Variants in FAM117B observed in about 807,000 individuals in gnomAD.
The protein encoded by FAM117B is protein FAM117B.
Under a neutral mutation model 52.8 loss-of-function variants are expected in FAM117B, and 22 were observed. The ratio of observed to expected loss-of-function variants is 0.42; its 90% confidence interval spans 0.30 to 0.59. The LOEUF is 0.59. Ranked by LOEUF, FAM117B falls within the 20% of genes least tolerant of loss-of-function variation. The probability of loss-of-function intolerance (pLI) is 0.22; values close to 1 mark genes in which losing one functional copy is unlikely to be tolerated. For synonymous variants in FAM117B, 309 were observed against 324.1 expected (o/e 0.95, Z 0.50); for missense variants, 678 against 802.6 (o/e 0.84, Z 1.88).
chr2:202,730,539 G>A (rs1186673565), intron 4 of FAM117B, among the ~76,000 whole-genome samples: 4 of 151,998 alleles, frequency 2.6e-5, no homozygotes, highest in East Asian at 3.9e-4. Flanking sequence ...GCGTGGTGCC[G>A]CGTGCCTATA....
chr2:202,686,183 C>T (rs1247547694), intron 1 of FAM117B, among the ~76,000 whole-genome samples: 1 of 152,142 alleles, frequency 6.6e-6, no homozygotes, highest in African/African-American at 2.4e-5. Context: ...TCATTTGGTA[C>T]TGGGGAGATG....
intron 2 of FAM117B, among the ~76,000 whole-genome samples, chr2:202,704,981 GA>G (rs1323775745): frequency 6.6e-6 from 1 of 151,876 alleles, no homozygotes; most frequent in African/African-American, 2.4e-5. Flanking sequence ...AAGGATTCTG[GA>G]AAATACAGAG....
At chr2:202,741,491 A>G (rs978470007) in intron 4 of FAM117B, among the ~76,000 whole-genome samples, 1 of 148,912 alleles carries the variant, frequency 6.7e-6, no homozygotes, top group African/African-American at 2.5e-5. Flanking sequence ...ATAATATGAT[A>G]GTATATCTAG....
chr2:202,683,770 A>G (rs1321116375), intron 1 of FAM117B, among the ~76,000 whole-genome samples: 1 of 152,232 alleles, frequency 6.6e-6, no homozygotes, highest in East Asian at 1.9e-4. Context: ...ACCCTTTAAG[A>G]AAATAGAAGA....
At chr2:202,696,388 C>T (rs1050351545) in intron 2 of FAM117B, among the ~76,000 whole-genome samples, 4 of 151,992 alleles carry the variant, frequency 2.6e-5, no homozygotes, top group African/African-American at 9.7e-5. Flanking sequence ...TTGGGCCACG[C>T]ATAAAATACA....
chr2:202,754,546 A>G (rs1691771766), intron 4 of FAM117B, among the ~76,000 whole-genome samples: 2 of 152,074 alleles, frequency 1.3e-5, no homozygotes, highest in Non-Finnish European at 2.9e-5. Context: ...AATTATATAG[A>G]TTAATCTGTT....
intron 4 of FAM117B, among the ~76,000 whole-genome samples, chr2:202,747,964 A>G (rs895043979): frequency 6.6e-6 from 1 of 152,184 alleles, no homozygotes; most frequent in Admixed American, 6.5e-5. Flanking sequence ...AGAAGAAACA[A>G]TCCTAAGATT....
intron 1 of FAM117B, among the ~76,000 whole-genome samples, chr2:202,652,044 A>C (rs1402968177): frequency 1.4e-5 from 2 of 145,878 alleles, no homozygotes; most frequent in Non-Finnish European, 3.0e-5. Flanking sequence ...CAAAAGTGAA[A>C]CTCTGTCTAA....
At chr2:202,637,867 A>C (rs1189638593) in intron 1 of FAM117B, among the ~76,000 whole-genome samples, 2 of 147,780 alleles carry the variant, frequency 1.4e-5, no homozygotes, top group Non-Finnish European at 3.0e-5. Flanking sequence ...GTACTTAGTT[A>C]GGTAACTTTT....
At chr2:202,750,370 AGGCATGGT>A (rs1305276916) in intron 4 of FAM117B, among the ~76,000 whole-genome samples, 1 of 152,140 alleles carries the variant, frequency 6.6e-6, no homozygotes, top group Non-Finnish European at 1.5e-5. Flanking sequence ...AAAATTAGCC[AGGCATGGT>A]GGCATGTGCC....
chr2:202,728,806 A>G (rs1197299007), intron 4 of FAM117B, among the ~76,000 whole-genome samples: 4 of 152,164 alleles, frequency 2.6e-5, no homozygotes, highest in African/African-American at 9.7e-5. Flanking sequence ...AATTTACTTA[A>G]TAAAGATTAT....
At position 202,731,516 on chromosome 2, in the gene FAM117B, C is replaced by T. The variant is rs113364006; in HGVS notation, c.960+5153C>T. Among the ~76,000 whole-genome samples the T allele has an allele frequency of 8.1e-4, 122 of 151,426 alleles. 1 individual carries two copies. Among genetic ancestry groups the T allele is most frequent in the African/African-American group, 2.0e-3 (83 of 41,332 alleles). On this transcript the variant is annotated intron_variant, in intron 4 of 7. Coordinates refer to ENST00000392238, the MANE Select transcript of FAM117B (RefSeq NM_173511.4). ...CGCGACCTTGGATCATTGTAACCTC[C>T]GCCTCCCGGGTTCAAGCGATTCTCC...
rs897465867 is a variant in FAM117B, at chr2:202,722,008, T to A, written c.754-2909T>A. Among the ~76,000 whole-genome samples, 11 of 74,120 alleles carry A rather than the reference T, an allele frequency of 1.5e-4. 1 individual carries two copies. Among genetic ancestry groups the A allele is most frequent in the Non-Finnish European group, 3.6e-4 (11 of 30,800 alleles). 48.6% of individuals were successfully genotyped at this position (74,120 alleles called of 152,430 possible). On this transcript the variant is annotated intron_variant, in intron 2 of 7. Coordinates refer to ENST00000392238, the MANE Select transcript of FAM117B (RefSeq NM_173511.4). ...AGAGAAGCATCTTGTAAAGATACAA[T>A]TTTTTTTTTTTTTTTTTTTGGAGAT...
chr2:202,705,307 A>T (rs1690855743), intron 2 of FAM117B, among the ~76,000 whole-genome samples: 1 of 147,250 alleles, frequency 6.8e-6, no homozygotes, highest in Admixed American at 6.7e-5. Flanking sequence ...ACTTCATCTC[A>T]AAGAAAAAAA....
chr2:202,637,832 A>G (rs1689710925), intron 1 of FAM117B, among the ~76,000 whole-genome samples: 1 of 152,064 alleles, frequency 6.6e-6, no homozygotes, highest in African/African-American at 2.4e-5. Flanking sequence ...GAATGTGGGA[A>G]ATATATAGCA....
chr2:202,730,045 T>C (rs1691314964), intron 4 of FAM117B, among the ~76,000 whole-genome samples: 11 of 152,218 alleles, frequency 7.2e-5, no homozygotes, highest in Admixed American at 7.2e-4. Flanking sequence ...TTTAAACTGC[T>C]GAGGATGAAC....
chr2:202,732,157 C>T (rs558718537), intron 4 of FAM117B, among the ~76,000 whole-genome samples: 26 of 151,712 alleles, frequency 1.7e-4, no homozygotes, highest in African/African-American at 6.1e-4. Flanking sequence ...TTCCAAAGTG[C>T]CGGGATTACA....
chr2:202,708,020 T>C (rs1438799481), intron 2 of FAM117B, among the ~76,000 whole-genome samples: 1 of 152,168 alleles, frequency 6.6e-6, no homozygotes, highest in Non-Finnish European at 1.5e-5. Flanking sequence ...TCCACTCGCC[T>C]TGGCCTCCCA....
intron 7 of FAM117B, among the ~76,000 whole-genome samples, chr2:202,761,841 A>G (rs1440674866): frequency 6.6e-6 from 1 of 151,150 alleles, no homozygotes; most frequent in Non-Finnish European, 1.5e-5. Context: ...TACATGTTTT[A>G]TGGCACATTG....
Sources: allele counts gnomAD v4.1 joint callset (sites outside exome capture counted in the v4.1 genomes callset), GRCh38; gene constraint gnomAD v4.1.1; transcripts MANE v1.5; gene names NCBI Gene and HGNC (gene_info 2026-07-23, HGNC 2026-07-21).